The following PRDM16 variants were observed in gnomAD, a reference collection of about 807,000 sequenced individuals.
PRDM16 encodes the protein histone-lysine N-methyltransferase PRDM16.
PRDM16 carries 23 observed loss-of-function variants against 110.6 expected under a neutral mutation model. The ratio of observed to expected loss-of-function variants is 0.21; its 90% CI spans 0.15 to 0.29. The LOEUF (loss-of-function observed/expected upper bound fraction) is 0.29, where lower values mean the gene tolerates loss of function less well. Among genes scored for constraint, PRDM16 ranks in the 10% least tolerant of loss-of-function variants. PRDM16 has a pLI of 1.00. For synonymous variants in PRDM16, 799 were observed against 781.8 expected, an observed-to-expected ratio of 1.02 and a Z score of -0.37; for missense variants, 1,615 against 1,794.3, an observed-to-expected ratio of 0.90 and a Z score of 1.81.
At chr1:3,415,737 C>G (rs915041116) in intron 10 of PRDM16, among the ~76,000 whole-genome samples, 1 of 152,240 alleles carries the variant, frequency 6.6e-6, no homozygotes, top group Admixed American at 6.5e-5. Context: ...GCCCGCTGCC[C>G]CCACGGGCCT....
chr1:3,361,052 G>A lies in PRDM16; in HGVS notation c.439-24100G>A, dbSNP rs549631981. Among the ~76,000 whole-genome samples the A allele has an allele frequency of 9.2e-5, 14 of 152,370 alleles. No homozygotes were observed. In the South Asian group the frequency reaches 2.3e-3, roughly 25 times the overall value. On this transcript the variant is annotated intron_variant, in intron 3 of 16. Transcript: ENST00000270722. The stretch of plus-strand genomic sequence containing the variant: ...GACTAACAACGGCGGCAGTGTCTGC[G>A]GAACAGCGTTCCATTGAGCGCAGGA...
rs192779804 is a variant in PRDM16, at chr1:3,407,675, C to A, written c.1186+2027C>A. Among the ~76,000 whole-genome samples, 346 of 152,352 alleles carry A rather than the reference C, an allele frequency of 2.3e-3. 1 individual carries two copies. Among genetic ancestry groups the A allele is most frequent in the African/African-American group, 7.6e-3 (315 of 41,584 alleles). Reference sequence around the variant, plus strand: ...AAACTTCCTTGCCTCTCTGGGCCTGCAGACGAGCGTTCTAAAGTCCCGTTG... The same window carrying A: ...AAACTTCCTTGCCTCTCTGGGCCTGAAGACGAGCGTTCTAAAGTCCCGTTG... On this transcript the variant is annotated intron_variant, in intron 8 of 16. Transcript: ENST00000270722.
intron 3 of PRDM16, among the ~76,000 whole-genome samples, chr1:3,275,737 T>C (rs1037036641): frequency 5.9e-5 from 9 of 151,926 alleles, no homozygotes; most frequent in African/African-American, 1.9e-4. Context: ...GGTGACCTTT[T>C]GCTGAGGGTG....
At chr1:3,156,796 C>T (rs969775691) in intron 1 of PRDM16, among the ~76,000 whole-genome samples, 4 of 152,148 alleles carry the variant, frequency 2.6e-5, no homozygotes, top group African/African-American at 9.7e-5. Flanking sequence ...CCCACATGGG[C>T]TTTTGCTTTT....
At position 3,425,973 on chromosome 1, in the gene PRDM16, C is replaced by A; in HGVS notation, c.3110-78C>A. ...CTCCCTAACAGCACCCCAGGTGTAC[C>A]CCGTTCGCGGTTGGTTTGCCCCACG... is the stretch of plus-strand genomic sequence containing the variant. On this transcript the variant is annotated intron_variant, in intron 13 of 16. Transcript: ENST00000270722. This position sits in a 1 kb window ranked among gnomAD's most constrained non-coding sequence, Gnocchi z 6.9. 1 of 1,485,154 alleles carries A rather than the reference C, an allele frequency of 6.7e-7. No individual in the cohort carries two copies. 92.0% of individuals were successfully genotyped at this position (1,485,154 alleles called of 1,614,324 possible).
chr1:3,200,197 AGGGCCTGGGGAGAG>A (rs201967971), intron 2 of PRDM16, among the ~76,000 whole-genome samples: 5,724 of 152,320 alleles, frequency 0.038, 137 homozygotes, highest in African/African-American at 0.051. Flanking sequence ...CGCTGAGTCA[AGGGCCTGGGGAGAG>A]GGGCCTGGGG....
At chr1:3,186,041 T>C in intron 1 of PRDM16, 84 bp from the exon 2 acceptor site, 1 of 1,201,392 alleles carries the variant, frequency 8.3e-7, no homozygotes, top group South Asian at 1.3e-5. Flanking sequence ...TGCCCATTGA[T>C]GCCCGAGTCC....
intron 3 of PRDM16, among the ~76,000 whole-genome samples, chr1:3,321,734 CAT>C (rs2100456980): frequency 6.7e-6 from 1 of 148,772 alleles, no homozygotes; most frequent in Non-Finnish European, 1.5e-5. Context: ...GTGTGACGTA[CAT>C]GTGTGCGGTG....
chr1:3,238,848 C>T (rs546082846), intron 2 of PRDM16, among the ~76,000 whole-genome samples: 43 of 152,356 alleles, frequency 2.8e-4, no homozygotes, highest in Non-Finnish European at 4.1e-4. Context: ...GGCCCAGACT[C>T]GAGTGCGGGC....
intron 2 of PRDM16, among the ~76,000 whole-genome samples, chr1:3,235,442 G>A (rs1161025772): frequency 1.3e-5 from 2 of 152,208 alleles, no homozygotes; most frequent in Non-Finnish European, 2.9e-5. Context: ...TCTTCCGGAA[G>A]CAGAAGGAGG....
chr1:3,303,851 A>G (rs2455134), intron 3 of PRDM16, among the ~76,000 whole-genome samples: 35,671 of 53,840 alleles, frequency 0.66, 12,380 homozygotes, highest in African/African-American at 0.84. Context: ...CAGTGACATG[A>G]GACCCCAGCC....
At chr1:3,419,994 G>C (rs1318158385) in intron 12 of PRDM16, among the ~76,000 whole-genome samples, 1 of 151,400 alleles carries the variant, frequency 6.6e-6, no homozygotes, top group Non-Finnish European at 1.5e-5. Context: ...AGATTTATTT[G>C]GTCTGGTCCC....
chr1:3,225,573 T>TGTGTGCGCGCGCGC (rs1336272072), intron 2 of PRDM16, among the ~76,000 whole-genome samples: 12 of 129,794 alleles, frequency 9.2e-5, no homozygotes, highest in African/African-American at 3.2e-4. Context: ...TGTGTGTGTG[T>TGTGTGCGCGCGCGC]GCGCGCGCGC....
intron 2 of PRDM16, among the ~76,000 whole-genome samples, chr1:3,241,469 G>A (rs1373017427): frequency 6.6e-6 from 1 of 152,222 alleles, no homozygotes; most frequent in Admixed American, 6.5e-5. Context: ...CCACCCCGGG[G>A]CTGGCCAGGT....
In PRDM16 at chr1:3,123,098, C is replaced by T. The variant is rs568979683; in HGVS notation, c.37+53802C>T. Among the ~76,000 whole-genome samples, 10 of 152,304 alleles carry T rather than the reference C, an allele frequency of 6.6e-5. No homozygotes were observed. The South Asian group carries it at 1.7e-3, about 25-fold the overall frequency. On this transcript the variant is annotated intron_variant, in intron 1 of 16. Coordinates refer to ENST00000270722, the MANE Select transcript of PRDM16 (RefSeq NM_022114.4). ...AAGTGAAGAGCCCGAGGGCTGGATG[C>T]GTGGTTGCTGTGTCGGCTGTGTGCT...
intron 3 of PRDM16, among the ~76,000 whole-genome samples, chr1:3,299,593 C>A (rs377066606): frequency 3.2e-4 from 20 of 62,284 alleles, no homozygotes; most frequent in African/African-American, 1.2e-3. Context: ...TTGAAGATGC[C>A]GTGCTGTGGC....
intron 1 of PRDM16, among the ~76,000 whole-genome samples, chr1:3,155,548 T>C (rs183810039): frequency 1.3e-5 from 2 of 152,342 alleles, no homozygotes; most frequent in East Asian, 3.9e-4. Flanking sequence ...TGTTTTCCTT[T>C]TTCCTTCCTC....
rs144041757 is a variant in PRDM16 at position 3,090,489 on chromosome 1, G to A, written c.37+21193G>A. 4.8e-3 allele frequency among the ~76,000 whole-genome samples: 736 copies of A among 152,364 alleles called. 11 individuals carry two copies. The highest frequency in any genetic ancestry group is 0.017 in the African/African-American group (712 of 41,590). ...GCTCCCCTGAGACCACCCATGAAAC[G>A]TGGACATTCCTCAGGCAGCCAGTGG... is the stretch of plus-strand genomic sequence containing the variant. On this transcript the variant is annotated intron_variant, in intron 1 of 16. Coordinates refer to ENST00000270722, the MANE Select transcript of PRDM16 (RefSeq NM_022114.4).
intron 3 of PRDM16, among the ~76,000 whole-genome samples, chr1:3,302,750 A>C (rs1641233633): frequency 6.6e-6 from 1 of 152,232 alleles, no homozygotes; most frequent in Admixed American, 6.5e-5. Flanking sequence ...CCAAACGTGG[A>C]AAACATGGCA....
Sources: gnomAD v4.1 joint callset for allele counts (sites outside exome capture counted in the v4.1 genomes callset) on GRCh38, gnomAD v4.1.1 for gene constraint, Gnocchi (gnomAD v3.1) non-coding constraint, MANE v1.5 for transcripts, NCBI Gene and HGNC (gene_info 2026-07-23, HGNC 2026-07-21) for gene names.